Variants in DIS3L2 observed in about 807,000 individuals in gnomAD.
DIS3L2 encodes the protein DIS3 like 3'-5' exoribonuclease 2, also known as DIS3-like exonuclease 2.
Under a neutral mutation model 97.5 loss-of-function variants are expected in DIS3L2, and 34 were observed. That is an observed-to-expected ratio of 0.35 (90% CI 0.27 to 0.46). The LOEUF (loss-of-function observed/expected upper bound fraction) is 0.46. Among genes scored for constraint, DIS3L2 ranks in the 20% least tolerant of loss-of-function variants. The pLI, the probability that DIS3L2 is intolerant of heterozygous loss-of-function variation, is 1.00. For missense variants in DIS3L2, 1,038 were observed against 1,146.0 expected (o/e 0.91, Z 1.36); for synonymous variants, 435 against 445.2 (o/e 0.98, Z 0.29).
Position 232,330,752 on chromosome 2 carries a change from C to G in DIS3L2, c.1986C>G (p.Thr662=). Residue 662 remains threonine (T), a synonymous_variant, in exon 16 of 21, where the codon ACC becomes ACG. Coordinates refer to ENST00000325385, the MANE Select transcript of DIS3L2 (RefSeq NM_152383.5). ...KYSLARKEVL[T]NMCSRPMQMA... ...CACTGGCCCGCAAGGAGGTGCTCAC[C>G]AACATGTGCTCCCGGCCCATGCAGG... The G allele has an allele frequency of 6.2e-7, 1 of 1,612,842 alleles. No homozygotes were observed. The highest frequency in any genetic ancestry group is 1.1e-5 in the South Asian group (1 of 91,088).
At chr2:232,144,179 G>A (rs1574907244) in intron 8 of DIS3L2, among the ~76,000 whole-genome samples, 1 of 152,158 alleles carries the variant, frequency 6.6e-6, no homozygotes. Context: ...ACTTAAAAAG[G>A]AAATTACTGA....
At chr2:232,275,826 C>T (rs1374448576) in intron 13 of DIS3L2, among the ~76,000 whole-genome samples, 2 of 152,072 alleles carry the variant, frequency 1.3e-5, no homozygotes, top group Non-Finnish European at 2.9e-5. Context: ...TCCTGGAAGA[C>T]GTAGAGGCAG....
intron 5 of DIS3L2, among the ~76,000 whole-genome samples, chr2:232,084,755 G>C (rs1696521399): frequency 6.7e-6 from 1 of 149,376 alleles, no homozygotes; most frequent in Admixed American, 6.7e-5. Flanking sequence ...TGGGAACCAA[G>C]TTTTTAAAAA....
intron 6 of DIS3L2, 50 bp from the exon 7 acceptor site, chr2:232,130,569 A>G (rs554088562): frequency 4.5e-6 from 7 of 1,566,190 alleles, no homozygotes; most frequent in East Asian, 2.3e-5. Context: ...CCACTAATTG[A>G]TATGCATCTG....
intron 6 of DIS3L2, among the ~76,000 whole-genome samples, chr2:232,092,269 G>A (rs1696866328): frequency 6.6e-6 from 1 of 152,076 alleles, no homozygotes; most frequent in African/African-American, 2.4e-5. Context: ...ACTGGTCTGT[G>A]TATCTGTTTT....
chr2:232,181,496 G>A (rs1044585133), intron 9 of DIS3L2, among the ~76,000 whole-genome samples: 6 of 152,046 alleles, frequency 3.9e-5, no homozygotes, highest in Non-Finnish European at 8.8e-5. Context: ...CATATTTCTT[G>A]GAGGCTTTGC....
chr2:232,017,019 A>G (rs1456440470), intron 3 of DIS3L2, among the ~76,000 whole-genome samples: 1 of 151,634 alleles, frequency 6.6e-6, no homozygotes, highest in Non-Finnish European at 1.5e-5. Context: ...AGAAAGAAGA[A>G]AGAAAACTAT....
chr2:232,187,066 G>T (rs1397215507), intron 9 of DIS3L2, among the ~76,000 whole-genome samples: 1 of 152,054 alleles, frequency 6.6e-6, no homozygotes, highest in African/African-American at 2.4e-5. Flanking sequence ...AATACATAAA[G>T]AACTCCTACA....
At chr2:232,326,796 C>T (rs1695589786) in intron 14 of DIS3L2, among the ~76,000 whole-genome samples, 1 of 150,460 alleles carries the variant, frequency 6.6e-6, no homozygotes, top group Admixed American at 6.6e-5. Flanking sequence ...GACTCAGCCA[C>T]ACCAAGGGCC....
chr2:232,270,876 C>CTCTCTG (rs758626503), intron 13 of DIS3L2, among the ~76,000 whole-genome samples: 2 of 125,494 alleles, frequency 1.6e-5, no homozygotes, highest in East Asian at 2.2e-4. Flanking sequence ...CTCTCTCTCT[C>CTCTCTG]TCTCTCTCTC....
chr2:232,029,307 G>A (rs953940185), intron 4 of DIS3L2, among the ~76,000 whole-genome samples: 2 of 152,158 alleles, frequency 1.3e-5, no homozygotes, highest in Non-Finnish European at 2.9e-5. Flanking sequence ...CCTGACTGCT[G>A]GTGAAGGCCT....
intron 2 of DIS3L2, among the ~76,000 whole-genome samples, 179 bp from the exon 3 acceptor site, chr2:232,015,335 A>G (rs1341720749): frequency 1.3e-5 from 2 of 152,100 alleles, no homozygotes; most frequent in Admixed American, 1.3e-4. Context: ...ATCTGTGTAT[A>G]TTTTATTCAT....
In DIS3L2 at chr2:232,259,147, G is replaced by A. The variant is rs533708807; in HGVS notation, c.1426-4060G>A. Among the ~76,000 whole-genome samples, 118 of 152,276 alleles carry A rather than the reference G, an allele frequency of 7.7e-4. 1 individual carries two copies. The highest frequency in any genetic ancestry group is 1.3e-3 in the Non-Finnish European group (89 of 68,018). ...GGGATGGATTTTCAGGGTTGCAGGC[G>A]TTAAGGAAGACGACTGAAGTGAAGC... On this transcript the variant is annotated intron_variant, in intron 12 of 20. Transcript: ENST00000325385.
intron 11 of DIS3L2, among the ~76,000 whole-genome samples, chr2:232,245,926 G>A (rs535278563): frequency 9.9e-5 from 15 of 152,270 alleles, no homozygotes; most frequent in African/African-American, 2.9e-4. Context: ...TTCATAAAAT[G>A]TTTTATGTGA....
At chr2:232,149,595 A>C (rs1371266815) in intron 8 of DIS3L2, among the ~76,000 whole-genome samples, 2 of 140,934 alleles carry the variant, frequency 1.4e-5, no homozygotes, top group Non-Finnish European at 3.0e-5. Flanking sequence ...CCAGTCTATC[A>C]TTGTTGGACA....
At chr2:232,194,393 A>G (rs1410665071) in intron 9 of DIS3L2, among the ~76,000 whole-genome samples, 1 of 152,186 alleles carries the variant, frequency 6.6e-6, no homozygotes. Context: ...CTGTGAATCT[A>G]CAAAAATCAT....
At chr2:232,344,228 G>A (rs1415989889) in exon 14 of DIS3L2, 2 of 152,256 alleles carry the variant, frequency 1.3e-5, no homozygotes, top group Non-Finnish European at 2.9e-5. Context: ...TATCTTCAGG[G>A]TTAAAATGTA....
chr2:232,140,000 G>T (rs2106358453), intron 8 of DIS3L2, among the ~76,000 whole-genome samples: 1 of 152,264 alleles, frequency 6.6e-6, no homozygotes, highest in African/African-American at 2.4e-5. Flanking sequence ...GGGAGTGGGT[G>T]GATGCTGATG....
At chr2:232,197,350 G>A (rs996956670) in intron 9 of DIS3L2, among the ~76,000 whole-genome samples, 13 of 152,228 alleles carry the variant, frequency 8.5e-5, no homozygotes, top group East Asian at 5.8e-4. Context: ...AATTTTAAGC[G>A]TAGTATATTT....
Sources: allele counts gnomAD v4.1 joint callset (sites outside exome capture counted in the v4.1 genomes callset), GRCh38; gene constraint gnomAD v4.1.1; transcripts MANE v1.5; gene names NCBI Gene and HGNC (gene_info 2026-07-23, HGNC 2026-07-21).